Variants in PRICKLE1 observed in about 807,000 individuals in gnomAD.
The protein encoded by PRICKLE1 is prickle-like protein 1.
Under a neutral mutation model 70.2 loss-of-function variants are expected in PRICKLE1, and 14 were observed. The ratio of observed to expected loss-of-function variants is 0.20; its 90% CI spans 0.13 to 0.31. The LOEUF (loss-of-function observed/expected upper bound fraction) is 0.31. Ranked by LOEUF, PRICKLE1 falls within the 10% of genes least tolerant of loss-of-function variation. The pLI, the probability that PRICKLE1 is intolerant of heterozygous loss-of-function variation, is 1.00. For synonymous variants in PRICKLE1, 357 were observed against 379.9 expected (o/e 0.94, Z 0.70); for missense variants, 821 against 1,026.2 (o/e 0.80, Z 2.73).
intron 1 of PRICKLE1, among the ~76,000 whole-genome samples, chr12:42,559,789 G>C (rs182519826): frequency 2.6e-5 from 4 of 151,502 alleles, no homozygotes; most frequent in Non-Finnish European, 4.4e-5. Flanking sequence ...ACAGGCAACT[G>C]ACCTACCCCT....
At chr12:42,501,207 TAAAAG>T (rs71821920) in intron 1 of PRICKLE1, among the ~76,000 whole-genome samples, 55,032 of 151,690 alleles carry the variant, frequency 0.36, 10,949 homozygotes, top group East Asian at 0.5. Flanking sequence ...GCTCAAAACA[TAAAAG>T]AAGAGAGCAA....
intron 1 of PRICKLE1, among the ~76,000 whole-genome samples, chr12:42,504,197 AT>A (rs1288149984): frequency 2.0e-5 from 3 of 152,172 alleles, no homozygotes; most frequent in Non-Finnish European, 4.4e-5. Flanking sequence ...TTGATTGCAG[AT>A]TTCTGAAAAT....
chr12:42,466,168 G>C, intron 6 of PRICKLE1, 26 bp downstream of exon 6: 1 of 1,613,258 alleles, frequency 6.2e-7, no homozygotes, highest in Non-Finnish European at 8.5e-7. Flanking sequence ...TAGGTGACAG[G>C]GCAGACGGGC....
chr12:42,492,797 C>T (rs886206320), intron 1 of PRICKLE1, among the ~76,000 whole-genome samples: 1 of 152,104 alleles, frequency 6.6e-6, no homozygotes, highest in Non-Finnish European at 1.5e-5. Context: ...ATTGAGTCTG[C>T]GCTGGATTAT....
chr12:42,511,951 A>G (rs1051761606), intron 1 of PRICKLE1, among the ~76,000 whole-genome samples: 8 of 152,170 alleles, frequency 5.3e-5, no homozygotes, highest in African/African-American at 1.9e-4. Context: ...GCTAAGGACT[A>G]ATGGACTGTG....
In PRICKLE1 at chr12:42,460,089, G is replaced by C; in HGVS notation, c.2216C>G (p.Ser739Cys). ...TCCTGGGTTCTGCAGGCCATAATCG[G>C]AAGTGGCATGGGCGTACTGTCCGTA... ...DLYGQYAHAT[S>C]DYGLQNPGMN... The change falls in exon 8 of 8, where the codon TCC becomes TGC. Residue 739 changes from serine (S) to cysteine (C), a missense_variant. Coordinates refer to ENST00000345127, the MANE Select transcript of PRICKLE1 (RefSeq NM_153026.3). 6.2e-7 allele frequency: 1 copy of C among 1,614,136 alleles called. No individual in the cohort carries two copies. Among genetic ancestry groups the C allele is most frequent in the South Asian group, 1.1e-5 (1 of 91,084 alleles).
At chr12:42,527,127 TC>T (rs1939818405) in intron 1 of PRICKLE1, among the ~76,000 whole-genome samples, 1 of 85,340 alleles carries the variant, frequency 1.2e-5, no homozygotes, top group Non-Finnish European at 2.1e-5. Context: ...TTTTTTTTCC[TC>T]TTTTTTTTTT....
At chr12:42,546,915 T>G (rs886713885) in intron 1 of PRICKLE1, among the ~76,000 whole-genome samples, 1 of 152,244 alleles carries the variant, frequency 6.6e-6, no homozygotes, top group Non-Finnish European at 1.5e-5. Context: ...CCTTTCACTT[T>G]CATTTCAACT....
At chr12:42,490,913 C>T (rs1265743808) in intron 1 of PRICKLE1, among the ~76,000 whole-genome samples, 1 of 151,990 alleles carries the variant, frequency 6.6e-6, no homozygotes, top group Non-Finnish European at 1.5e-5. Flanking sequence ...CTCTGTCACT[C>T]AGGCTGGAGT....
At position 42,464,750 on chromosome 12, in the gene PRICKLE1, A is replaced by G. The variant is rs183742526; in HGVS notation, c.1284T>C (p.Phe428=). 2.8e-5 allele frequency: 46 copies of G among 1,614,040 alleles called. No homozygotes were observed. In the East Asian group the frequency reaches 1.0e-3, roughly 35 times the overall value. Residue 428 remains phenylalanine (F), a synonymous_variant, in exon 7 of 8, where the codon TTT becomes TTC. Coordinates refer to ENST00000345127, the MANE Select transcript of PRICKLE1 (RefSeq NM_153026.3). This position sits in a 1 kb window ranked among gnomAD's most constrained non-coding sequence, Gnocchi z 4.2. ...LLLKFGDKSL[F]QPQPNEMDIR... is the part of the protein sequence containing the mutation. ...TATCCATCTCATTGGGCTGTGGCTG[A>G]AAGAGGCTTTTATCACCAAACTTGA...
intron 1 of PRICKLE1, among the ~76,000 whole-genome samples, chr12:42,478,622 T>C (rs928016543): frequency 2.0e-5 from 3 of 151,986 alleles, no homozygotes. Flanking sequence ...AAAAGCCTAC[T>C]ATCAGAGTCA....
At chr12:42,538,805 G>C (rs1940058768) in intron 1 of PRICKLE1, among the ~76,000 whole-genome samples, 1 of 152,152 alleles carries the variant, frequency 6.6e-6, no homozygotes, top group Non-Finnish European at 1.5e-5. Context: ...CTATCTTTAA[G>C]TGCATTATAT....
chr12:42,558,347 A>G (rs544991556), intron 1 of PRICKLE1, among the ~76,000 whole-genome samples: 2 of 152,368 alleles, frequency 1.3e-5, no homozygotes, highest in South Asian at 4.1e-4. Flanking sequence ...TGTAAAAGGG[A>G]GGCAACAACC....
rs377230447 is a variant in PRICKLE1 at position 42,546,691 on chromosome 12, T to C, written c.-49+42774A>G. On this transcript the variant is annotated intron_variant, in intron 1 of 7. Transcript: ENST00000345127. ...ATTGCTCGAACCTCAGAGGTGGTGG[T>C]TGCAGTGAGCCGAGATCATGCCACT... 2.6e-5 allele frequency among the ~76,000 whole-genome samples: 4 copies of C among 152,166 alleles called. No homozygotes were observed. The East Asian group carries it at 5.8e-4, about 22-fold the overall frequency.
At chr12:42,508,562 A>T (rs1423779470) in intron 1 of PRICKLE1, among the ~76,000 whole-genome samples, 2 of 152,354 alleles carry the variant, frequency 1.3e-5, no homozygotes, top group East Asian at 3.9e-4. Context: ...CTCATTGATA[A>T]GGAACTGCTT....
intron 1 of PRICKLE1, among the ~76,000 whole-genome samples, chr12:42,507,590 CT>C (rs1009954710): frequency 6.6e-6 from 1 of 152,048 alleles, no homozygotes; most frequent in Non-Finnish European, 1.5e-5. Flanking sequence ...TATGGAAGAA[CT>C]TTTTTTTGAG....
intron 7 of PRICKLE1, among the ~76,000 whole-genome samples, chr12:42,460,925 G>A (rs1344558527): frequency 9.9e-5 from 15 of 151,976 alleles, no homozygotes; most frequent in African/African-American, 2.4e-4. Context: ...CTAGTTGCCC[G>A]GGCTGGAGTG....
chr12:42,514,244 T>C (rs953043900), intron 1 of PRICKLE1, among the ~76,000 whole-genome samples: 1 of 152,200 alleles, frequency 6.6e-6, no homozygotes, highest in Non-Finnish European at 1.5e-5. Context: ...TAGTTTCAGT[T>C]GCAGCAACTG....
intron 1 of PRICKLE1, among the ~76,000 whole-genome samples, chr12:42,494,488 C>T (rs1939159062): frequency 1.3e-5 from 2 of 152,112 alleles, no homozygotes; most frequent in African/African-American, 4.8e-5. Flanking sequence ...CATCAAGAAA[C>T]CACTTTCTTT....
Sources: allele counts gnomAD v4.1 joint callset (sites outside exome capture counted in the v4.1 genomes callset), GRCh38; gene constraint gnomAD v4.1.1; non-coding constraint Gnocchi (gnomAD v3.1); transcripts MANE v1.5; gene names NCBI Gene and HGNC (gene_info 2026-07-23, HGNC 2026-07-21).